ZNF609: variants seen among roughly 807,000 people sequenced by gnomAD.
ZNF609 encodes zinc finger protein 609.
In ZNF609, 11 loss-of-function variants were observed where a neutral mutation model predicts 109.5. That is an observed-to-expected ratio of 0.10 (90% CI 0.06 to 0.17). The LOEUF is 0.17. ZNF609 is among the 10% of genes least tolerant of loss of function. The probability of loss-of-function intolerance (pLI) is 1.00; values close to 1 mark genes in which losing one functional copy is unlikely to be tolerated. For missense variants in ZNF609, 1,559 were observed against 1,772.4 expected, an observed-to-expected ratio of 0.88 and a Z score of 2.16; for synonymous variants, 646 against 662.0, an observed-to-expected ratio of 0.98 and a Z score of 0.37.
At chr15:64,510,707 A>G (rs1309723509) in intron 2 of ZNF609, among the ~76,000 whole-genome samples, 2 of 152,136 alleles carry the variant, frequency 1.3e-5, no homozygotes, top group Non-Finnish European at 2.9e-5. Flanking sequence ...AATAAAAAAG[A>G]CAGTTTTTAG....
chr15:64,679,134 G>A (rs1346395199), intron 6 of ZNF609, among the ~76,000 whole-genome samples: 1 of 152,156 alleles, frequency 6.6e-6, no homozygotes, highest in Non-Finnish European at 1.5e-5. Flanking sequence ...GTGCAGTGGC[G>A]TGATCTCGGC....
chr15:64,667,281 T>G (rs970979410), intron 3 of ZNF609, among the ~76,000 whole-genome samples: 1 of 152,200 alleles, frequency 6.6e-6, no homozygotes, highest in African/African-American at 2.4e-5. Flanking sequence ...GAAGAATAAA[T>G]GAATATAAGT....
At chr15:64,595,020 A>T (rs1355682394) in intron 2 of ZNF609, among the ~76,000 whole-genome samples, 1 of 148,886 alleles carries the variant, frequency 6.7e-6, no homozygotes, top group Admixed American at 6.7e-5. Context: ...AAAAAAAGAA[A>T]AAAGAAAAGA....
At chr15:64,473,221 CAG>C (rs1260046683) in intron 1 of ZNF609, among the ~76,000 whole-genome samples, 2 of 100,962 alleles carry the variant, frequency 2.0e-5, no homozygotes, top group East Asian at 5.8e-4. Flanking sequence ...TTTTTGGAGA[CAG>C]AGTCTTGCTC....
intron 2 of ZNF609, among the ~76,000 whole-genome samples, chr15:64,518,147 A>G (rs1389441262): frequency 6.6e-6 from 1 of 152,224 alleles, no homozygotes; most frequent in African/African-American, 2.4e-5. Context: ...TTGATGAGTA[A>G]TGATAACATA....
At chr15:64,484,056 T>C (rs987285010) in intron 1 of ZNF609, among the ~76,000 whole-genome samples, 5 of 151,998 alleles carry the variant, frequency 3.3e-5, no homozygotes, top group African/African-American at 9.7e-5. Flanking sequence ...TTTCCTTTTT[T>C]TTTTTTTTGT....
chr15:64,515,588 G>C (rs1476586718), intron 2 of ZNF609, among the ~76,000 whole-genome samples: 2 of 152,012 alleles, frequency 1.3e-5, no homozygotes, highest in Non-Finnish European at 2.9e-5. Flanking sequence ...GGATAGAGGA[G>C]ACTTAAAGGC....
intron 3 of ZNF609, among the ~76,000 whole-genome samples, chr15:64,665,501 C>T (rs1430941687): frequency 6.6e-6 from 1 of 152,192 alleles, no homozygotes; most frequent in Non-Finnish European, 1.5e-5. Flanking sequence ...CCTGTAATCC[C>T]AGCTCTTTAG....
intron 2 of ZNF609, among the ~76,000 whole-genome samples, chr15:64,520,626 A>T (rs1433976836): frequency 1.3e-5 from 2 of 151,574 alleles, no homozygotes; most frequent in Non-Finnish European, 2.9e-5. Context: ...TTTGGCTAAT[A>T]TTTTTTTTCC....
At chr15:64,610,919 GAC>G (rs1221004071) in intron 2 of ZNF609, among the ~76,000 whole-genome samples, 79 of 152,262 alleles carry the variant, frequency 5.2e-4, no homozygotes, top group African/African-American at 1.9e-3. Flanking sequence ...TAAGACTTCT[GAC>G]ATCGTGATTA....
rs527933194 is a variant in ZNF609 at position 64,681,153 on chromosome 15, A to G, written c.4163-156A>G. Among the ~76,000 whole-genome samples, 260 of 152,290 alleles carry G rather than the reference A, an allele frequency of 1.7e-3. 1 individual carries two copies. The highest frequency in any genetic ancestry group is 2.4e-3 in the Non-Finnish European group (160 of 68,024). On this transcript the variant is annotated intron_variant, in intron 8 of 9. Transcript: ENST00000326648. ...GTGTTCCCCAAAGGCAAAGAGAAAC[A>G]ATCAGCTGAGAAATAGAGCCTTATT...
intron 1 of ZNF609, among the ~76,000 whole-genome samples, chr15:64,488,318 T>C (rs1893359951): frequency 6.6e-6 from 1 of 152,200 alleles, no homozygotes; most frequent in South Asian, 2.1e-4. Flanking sequence ...GGGGCATTGA[T>C]ATGATTCTGC....
At chr15:64,518,886 T>A (rs1439292592) in intron 2 of ZNF609, among the ~76,000 whole-genome samples, 2 of 151,900 alleles carry the variant, frequency 1.3e-5, no homozygotes, top group African/African-American at 2.4e-5. Flanking sequence ...TGATAATGAG[T>A]TTAACTTGGG....
At chr15:64,586,480 A>G (rs1306111733) in intron 2 of ZNF609, among the ~76,000 whole-genome samples, 1 of 152,126 alleles carries the variant, frequency 6.6e-6, no homozygotes, top group Non-Finnish European at 1.5e-5. Context: ...AAGTATTAGC[A>G]CCTGAGCTCT....
Position 64,648,688 on chromosome 15 carries a change from TAAAGC to T in ZNF609, c.974-21656_974-21652del, listed in dbSNP as rs1384909445. Among the ~76,000 whole-genome samples, 3 of 134,058 alleles carry T rather than the reference TAAAGC, an allele frequency of 2.2e-5. No individual in the cohort carries two copies. The Admixed American group carries it at 2.6e-4, about 12-fold the overall frequency. 87.9% of individuals were successfully genotyped at this position (134,058 alleles called of 152,430 possible). ...ATATGAGATAATATATAGAAGATGTTAAAGCACAATAAGTTGTATGCATTATTGGA... is the reference window on the plus strand; with the variant it reads ...ATATGAGATAATATATAGAAGATGTTACAATAAGTTGTATGCATTATTGGA... On this transcript the variant is annotated intron_variant, in intron 3 of 9. Coordinates refer to ENST00000326648, the MANE Select transcript of ZNF609 (RefSeq NM_015042.2).
intron 4 of ZNF609, among the ~76,000 whole-genome samples, chr15:64,673,331 G>C (rs1398662927): frequency 6.6e-6 from 1 of 152,184 alleles, no homozygotes; most frequent in Non-Finnish European, 1.5e-5. Context: ...ATTCTAGGCA[G>C]TGTTTTAAGC....
chr15:64,633,965 TTTAA>T (rs1317638812), intron 3 of ZNF609, among the ~76,000 whole-genome samples: 1 of 152,136 alleles, frequency 6.6e-6, no homozygotes, highest in Non-Finnish European at 1.5e-5. Flanking sequence ...GGTCTGAATG[TTTAA>T]TTTTATTTAA....
chr15:64,643,267 G>C (rs2140991650), intron 3 of ZNF609, among the ~76,000 whole-genome samples: 1 of 152,224 alleles, frequency 6.6e-6, no homozygotes, highest in Admixed American at 6.5e-5. Flanking sequence ...GCAGGCGTGA[G>C]CCACCACACC....
rs367654340 is a variant in ZNF609 at position 64,580,691 on chromosome 15, G to A, written c.748-42136G>A. On this transcript the variant is annotated intron_variant, in intron 2 of 9. Transcript: ENST00000326648. ...CGAGTAACTGGGACTACAGGCATAC[G>A]CCACCATGCCTAGCTAATTTTTGTA... Among the ~76,000 whole-genome samples, 123 of 151,662 alleles carry A rather than the reference G, an allele frequency of 8.1e-4. No homozygotes were observed. In the South Asian group the frequency reaches 0.024, roughly 30 times the overall value.
Sources: allele counts gnomAD v4.1 joint callset (sites outside exome capture counted in the v4.1 genomes callset), GRCh38; gene constraint gnomAD v4.1.1; transcripts MANE v1.5; gene names NCBI Gene and HGNC (gene_info 2026-07-23, HGNC 2026-07-21).